The following LNPEP variants were observed in gnomAD, a reference collection of about 807,000 sequenced individuals.
LNPEP encodes leucyl-cystinyl aminopeptidase.
LNPEP carries 64 observed loss-of-function variants against 120.6 expected under a neutral mutation model. The ratio of observed to expected loss-of-function variants is 0.53; its 90% CI spans 0.43 to 0.65. The LOEUF is 0.65. Ranked by LOEUF, LNPEP falls within the 30% of genes least tolerant of loss-of-function variation. LNPEP has a pLI of 0.00. For missense variants in LNPEP, 1,057 were observed against 1,200.0 expected, an observed-to-expected ratio of 0.88 and a Z score of 1.76; for synonymous variants, 435 against 425.4, an observed-to-expected ratio of 1.02 and a Z score of -0.28.
chr5:96,957,844 A>C (rs1321881776), intron 1 of LNPEP, among the ~76,000 whole-genome samples: 1 of 152,236 alleles, frequency 6.6e-6, no homozygotes, highest in Non-Finnish European at 1.5e-5. Flanking sequence ...GCAGCAATAG[A>C]AACTAATAGA....
intron 11 of LNPEP, among the ~76,000 whole-genome samples, chr5:97,008,750 C>T (rs1462141563): frequency 6.7e-6 from 1 of 149,706 alleles, no homozygotes; most frequent in South Asian, 2.1e-4. Context: ...CTGCAAGCTC[C>T]GCCTCCCGGG....
rs1410199440 is a variant in LNPEP at position 97,027,455 on chromosome 5, CTT to C, written c.2865-275_2865-274del. Among the ~76,000 whole-genome samples the C allele has an allele frequency of 2.0e-5, 3 of 152,222 alleles. No individual in the cohort carries two copies. In the East Asian group the frequency reaches 5.8e-4, roughly 29 times the overall value. On this transcript the variant is annotated intron_variant, in intron 16 of 17. Transcript: ENST00000231368. ...ATGTAGGTTTTTTGCTTCTTTCTCT[CTT>C]TTAAATCAATAATGGCATTTCTGGG...
Position 96,993,803 on chromosome 5 carries a change from CCT to C in LNPEP, c.1253-13_1253-12del. ...ATGAGGGAAAGTTGATCACTTATTTCCTGTTATGTCCAGATTTGGTGGCTATT... is the reference window on the plus strand; with the variant it reads ...ATGAGGGAAAGTTGATCACTTATTTCGTTATGTCCAGATTTGGTGGCTATT... On this transcript the variant is annotated splice_polypyrimidine_tract_variant and intron_variant, in intron 5 of 17. Coordinates refer to ENST00000231368, the MANE Select transcript of LNPEP (RefSeq NM_005575.3). 1 of 1,612,202 alleles carries C rather than the reference CCT, an allele frequency of 6.2e-7. No individual in the cohort carries two copies. Among genetic ancestry groups the C allele is most frequent in the Non-Finnish European group, 8.5e-7 (1 of 1,179,008 alleles).
intron 1 of LNPEP, among the ~76,000 whole-genome samples, chr5:96,938,699 A>G (rs757819343): frequency 2.6e-5 from 4 of 152,216 alleles, no homozygotes; most frequent in Non-Finnish European, 4.4e-5. Context: ...CAGGTAACAT[A>G]CTTCTGCAAC....
At position 97,022,441 on chromosome 5, in the gene LNPEP, A is replaced by G. The variant is rs1791226672; in HGVS notation, c.2518A>G (p.Met840Val). 1 of 1,614,116 alleles carries G rather than the reference A, an allele frequency of 6.2e-7. No homozygotes were observed. The highest frequency in any genetic ancestry group is 8.5e-7 in the Non-Finnish European group (1 of 1,179,980). ...CCTGGGGAACTGCTCTACTACTGCC[A>G]TGAAACTGTTTGATGACTGGATGGC... Reference protein sequence around the residue: ...HNLGNCSTTAMKLFDDWMASN... With the variant: ...HNLGNCSTTAVKLFDDWMASN... The change falls in exon 14 of 18, where the codon ATG becomes GTG. Residue 840 changes from methionine to valine, a missense_variant. By Grantham distance (21) the Met-to-Val change is conservative (BLOSUM62 1). Transcript: ENST00000231368.
chr5:96,944,811 A>T (rs1325223970), intron 1 of LNPEP, among the ~76,000 whole-genome samples: 1 of 151,782 alleles, frequency 6.6e-6, no homozygotes, highest in African/African-American at 2.4e-5. Context: ...GCCTCAAGTC[A>T]TCACCCACCT....
rs563614440 is a variant in LNPEP at position 97,022,184 on chromosome 5, T to C, written c.2377-116T>C. 51 of 650,526 alleles carry C rather than the reference T, an allele frequency of 7.8e-5. No homozygotes were observed. In the Admixed American group the frequency reaches 8.2e-4, roughly 10 times the overall value. 40.3% of individuals were successfully genotyped at this position (650,526 alleles called of 1,614,324 possible). ...CCTCAGGTGATCTGCCCGCCCCAGC[T>C]TCCCAACGTGCTGGGATTACAGGCA... On this transcript the variant is annotated intron_variant, in intron 13 of 17. Transcript: ENST00000231368.
At position 97,029,808 on chromosome 5, in the gene LNPEP, A is replaced by G. The variant is rs1222633405; in HGVS notation, c.*1275A>G. On this transcript the variant is annotated 3_prime_UTR_variant, in exon 18 of 18. Coordinates refer to ENST00000231368, the MANE Select transcript of LNPEP (RefSeq NM_005575.3). The stretch of plus-strand genomic sequence containing the variant: ...AAGGAAAGAAGAAAAATGAGGGAGG[A>G]TGTCCGAAACTGTATGGCATTTTAC... 2.6e-5 allele frequency: 4 copies of G among 152,156 alleles called. 1 individual carries two copies. Among genetic ancestry groups the G allele is most frequent in the African/African-American group, 9.7e-5 (4 of 41,448 alleles). The allele number at this position is 152,156 out of a possible 1,614,324, so 9.4% of individuals were successfully genotyped here.
chr5:96,981,574 A>T (rs1790124488), intron 2 of LNPEP, among the ~76,000 whole-genome samples: 1 of 152,226 alleles, frequency 6.6e-6, no homozygotes, highest in South Asian at 2.1e-4. Flanking sequence ...GTTAACGAGT[A>T]CAAGGATTCC....
In LNPEP at chr5:97,024,592, T is replaced by C; in HGVS notation, c.2633T>C (p.Leu878Ser). The C allele has an allele frequency of 6.2e-7, 1 of 1,614,130 alleles. No individual in the cohort carries two copies. Among genetic ancestry groups the C allele is most frequent in the African/African-American group, 1.3e-5 (1 of 75,054 alleles). ...AKTDKGWSFLLGKYISIGSEA... is the reference protein window; with the variant it reads ...AKTDKGWSFLSGKYISIGSEA... ...ACTGACAAAGGCTGGTCATTCCTTTTGGGCAAATACATTTCTATAGGCTCT... is the reference window on the plus strand; with the variant it reads ...ACTGACAAAGGCTGGTCATTCCTTTCGGGCAAATACATTTCTATAGGCTCT... Residue 878 changes from leucine to serine, a missense_variant, in exon 15 of 18, where the codon TTG (leucine) becomes TCG (serine). Physicochemically the swap from Leu to Ser is moderately radical, Grantham distance 145. Transcript: ENST00000231368.
At chr5:96,951,344 C>T (rs1022866129) in intron 1 of LNPEP, among the ~76,000 whole-genome samples, 9 of 152,034 alleles carry the variant, frequency 5.9e-5, no homozygotes, top group African/African-American at 2.2e-4. Context: ...CTGCAAGCTC[C>T]GCCTCCCGGG....
intron 1 of LNPEP, among the ~76,000 whole-genome samples, chr5:96,977,241 CA>C (rs1410733997): frequency 2.0e-5 from 3 of 151,382 alleles, no homozygotes; most frequent in Non-Finnish European, 4.4e-5. Context: ...AAAGGAAAAA[CA>C]AAAAAACATA....
chr5:96,964,315 A>G (rs189425052), intron 1 of LNPEP, among the ~76,000 whole-genome samples: 4 of 151,944 alleles, frequency 2.6e-5, no homozygotes, highest in Admixed American at 6.6e-5. Flanking sequence ...TGATCTGTAC[A>G]TGTTTGAGAG....
At chr5:97,025,500 A>T (rs1791315470) in intron 15 of LNPEP, among the ~76,000 whole-genome samples, 2 of 152,240 alleles carry the variant, frequency 1.3e-5, no homozygotes. Context: ...CTAGTAATAC[A>T]CTAAGAATGC....
chr5:96,994,241 G>A (rs1790455729), intron 6 of LNPEP, among the ~76,000 whole-genome samples: 1 of 152,096 alleles, frequency 6.6e-6, no homozygotes, highest in South Asian at 2.1e-4. Context: ...TGAAAACTGA[G>A]ACTCAGTTTA....
chr5:96,943,244 T>G (rs71654350), intron 1 of LNPEP: 77,278 of 205,110 alleles, frequency 0.38, 15,221 homozygotes, highest in Non-Finnish European at 0.42. Context: ...AAAAGAAAAC[T>G]ATAGAGAGCT....
At chr5:96,973,716 A>G (rs995172665) in intron 1 of LNPEP, among the ~76,000 whole-genome samples, 1 of 152,114 alleles carries the variant, frequency 6.6e-6, no homozygotes, top group Non-Finnish European at 1.5e-5. Context: ...GAGCCCTGGA[A>G]TGAATCCCCC....
chr5:96,962,921 C>T (rs561078756), intron 1 of LNPEP, among the ~76,000 whole-genome samples: 3 of 152,206 alleles, frequency 2.0e-5, no homozygotes, highest in East Asian at 1.9e-4. Context: ...AACCTGGTCC[C>T]GTGCTAGGAC....
chr5:96,997,956 A>G (rs1582015603), intron 7 of LNPEP, 58 bp from the exon 8 acceptor site: 1 of 1,219,252 alleles, frequency 8.2e-7, no homozygotes, highest in African/African-American at 1.6e-5. Context: ...TAAATAATTT[A>G]CTATACTTTT....
Sources: allele counts gnomAD v4.1 joint callset (sites outside exome capture counted in the v4.1 genomes callset), GRCh38; gene constraint gnomAD v4.1.1; transcripts MANE v1.5; gene names NCBI Gene and HGNC (gene_info 2026-07-23, HGNC 2026-07-21).